The following DOCK10 variants were observed in gnomAD, a reference collection of about 807,000 sequenced individuals.
The protein encoded by DOCK10 is dedicator of cytokinesis protein 10.
DOCK10 carries 145 observed loss-of-function variants against 280.1 expected under a neutral mutation model. The observed-to-expected ratio is 0.52, with a 90% CI of 0.45 to 0.59. DOCK10 has a LOEUF of 0.59. Ranked by LOEUF, DOCK10 falls within the 20% of genes least tolerant of loss-of-function variation. DOCK10 has a pLI of 0.00. For synonymous variants in DOCK10, 915 were observed against 942.2 expected (o/e 0.97, Z 0.53); for missense variants, 2,368 against 2,651.7 (o/e 0.89, Z 2.35).
At chr2:224,908,307 C>T (rs369254868) in intron 3 of DOCK10, among the ~76,000 whole-genome samples, 5 of 151,188 alleles carry the variant, frequency 3.3e-5, no homozygotes, top group African/African-American at 1.2e-4. Context: ...TTGTTTTTTC[C>T]TTTCCAGAAT....
At chr2:224,769,075 C>T in intron 55 of DOCK10, 1 of 382,298 alleles carries the variant, frequency 2.6e-6, no homozygotes. Flanking sequence ...CTTTTTATTT[C>T]ACTCCCAGAT....
chr2:224,774,964 A>C lies in DOCK10; in HGVS notation c.5954T>G (p.Leu1985Arg). The change falls in exon 52 of 56, where the codon CTG (leucine) becomes CGG (arginine). Residue 1985 changes from leucine (L) to arginine (R), a missense_variant. Around this residue, in one of 2 missense-constraint regions of DOCK10, gnomAD observed 1,159 missense variants for 1,400.8 expected, o/e 0.83. Coordinates refer to ENST00000258390, the MANE Select transcript of DOCK10 (RefSeq NM_014689.3). ...CACCCCACCGTGCTTCTTGCCCGAC[A>C]GCGTGAAGGGTGTCTCGAAGACAAA... ...NRFVFETPFTLSGKKHGGVAE... is the reference protein window; with the variant it reads ...NRFVFETPFTRSGKKHGGVAE... 6.2e-7 allele frequency: 1 copy of C among 1,611,826 alleles called. No individual in the cohort carries two copies. The highest frequency in any genetic ancestry group is 1.7e-5 in the Admixed American group (1 of 59,694).
chr2:225,034,471 A>G (rs770907825), intron 1 of DOCK10, among the ~76,000 whole-genome samples: 34 of 152,246 alleles, frequency 2.2e-4, no homozygotes, highest in Non-Finnish European at 1.3e-4. Flanking sequence ...ATGCTTGCCA[A>G]GATTTACAAG....
At chr2:225,041,814 G>T (rs1031617167) in intron 1 of DOCK10, among the ~76,000 whole-genome samples, 1 of 152,116 alleles carries the variant, frequency 6.6e-6, no homozygotes, top group Non-Finnish European at 1.5e-5. Context: ...TCAGCGCACT[G>T]GTCTGTTTAC....
At chr2:224,778,772 T>C (rs145202863) in intron 50 of DOCK10, among the ~76,000 whole-genome samples, 3 of 152,302 alleles carry the variant, frequency 2.0e-5, no homozygotes, top group East Asian at 1.9e-4. Flanking sequence ...TCCCACATAA[T>C]CTTAGATGAA....
chr2:224,830,175 C>A (rs1695133167), intron 27 of DOCK10, among the ~76,000 whole-genome samples: 1 of 152,340 alleles, frequency 6.6e-6, no homozygotes, highest in Non-Finnish European at 1.5e-5. Context: ...TCTTTGCTCT[C>A]AGACTTCCCA....
intron 1 of DOCK10, among the ~76,000 whole-genome samples, chr2:224,961,759 C>T (rs1559875180): frequency 6.6e-6 from 1 of 151,978 alleles, no homozygotes; most frequent in East Asian, 1.9e-4. Context: ...CCTGCCTCGG[C>T]CTCCCAAAGT....
intron 1 of DOCK10, among the ~76,000 whole-genome samples, chr2:224,979,152 T>C (rs1029002310): frequency 2.0e-5 from 3 of 152,218 alleles, no homozygotes; most frequent in African/African-American, 7.2e-5. Context: ...ACTTCCCTGC[T>C]TCAGGACCTC....
In DOCK10 at chr2:224,845,606, G is replaced by A. The variant is rs200423591; in HGVS notation, c.2272C>T (p.His758Tyr). 161 of 1,612,812 alleles carry A rather than the reference G, an allele frequency of 1.0e-4. No individual in the cohort carries two copies. The highest frequency in any genetic ancestry group is 1.3e-4 in the Non-Finnish European group (158 of 1,179,260). ...TGATAAAAAGAAAACAAAATATGGT[G>A]TTTCTCATGGAGTTGTGTTGGTAGC... ...IELPTQLHEK[H>Y]HILFSFYHVT... is the part of the protein sequence containing the mutation. Residue 758 changes from histidine (H) to tyrosine (Y), a missense_variant, in exon 20 of 56, where the codon CAC becomes TAC. Physicochemically the swap from His to Tyr is moderately conservative, Grantham distance 83. Coordinates refer to ENST00000258390, the MANE Select transcript of DOCK10 (RefSeq NM_014689.3).
chr2:224,947,831 G>A (rs1462142087), intron 1 of DOCK10, among the ~76,000 whole-genome samples: 1 of 152,130 alleles, frequency 6.6e-6, no homozygotes, highest in Non-Finnish European at 1.5e-5. Context: ...TGTTCCATGA[G>A]CATGCAATTT....
chr2:224,908,058 G>A (rs374534288), intron 3 of DOCK10, among the ~76,000 whole-genome samples: 4 of 152,074 alleles, frequency 2.6e-5, no homozygotes, highest in African/African-American at 7.2e-5. Flanking sequence ...GTGTGTGTGT[G>A]TGTATGTTTC....
intron 9 of DOCK10, 97 bp downstream of exon 9, chr2:224,874,569 C>G: frequency 1.6e-6 from 2 of 1,271,098 alleles, no homozygotes; most frequent in South Asian, 2.4e-5. Flanking sequence ...GCTTCTTGGT[C>G]TAAATCTTAA....
rs191601376 is a variant in DOCK10, at chr2:224,878,658, A to G, written c.748-2437T>C. ...AAAGTTCAGGAACCAAAGGAGAAAG[A>G]ATTGGCTAAAATGCTAACTATGGTT... On this transcript the variant is annotated intron_variant, in intron 7 of 55. Coordinates refer to ENST00000258390, the MANE Select transcript of DOCK10 (RefSeq NM_014689.3). 1.2e-4 allele frequency among the ~76,000 whole-genome samples: 18 copies of G among 152,364 alleles called. No homozygotes were observed. In the East Asian group the frequency reaches 3.1e-3, roughly 26 times the overall value.
rs371018979 is a variant in DOCK10, at chr2:224,979,764, C to T, written c.124-48096G>A. On this transcript the variant is annotated intron_variant, in intron 1 of 55. Transcript: ENST00000258390. ...TATTGAACGTCTTACCGTTACATCC[C>T]GGCACTTTTCTAAGCACTTAACACT... Among the ~76,000 whole-genome samples, 56 of 152,290 alleles carry T rather than the reference C, an allele frequency of 3.7e-4. 2 individuals carry two copies. The highest frequency in any genetic ancestry group is 6.8e-3 in the Middle Eastern group (2 of 294).
At chr2:224,875,875 C>T (rs755785663) in intron 8 of DOCK10, among the ~76,000 whole-genome samples, 163 bp downstream of exon 8, 1 of 152,174 alleles carries the variant, frequency 6.6e-6, no homozygotes, top group Non-Finnish European at 1.5e-5. Context: ...GTGGCCATTA[C>T]TGTGCAGTAA....
chr2:224,781,787 T>A (rs1388704229), intron 50 of DOCK10, among the ~76,000 whole-genome samples: 1 of 152,222 alleles, frequency 6.6e-6, no homozygotes, highest in Non-Finnish European at 1.5e-5. Flanking sequence ...TATGAAACTT[T>A]AAGGCAATAC....
intron 11 of DOCK10, among the ~76,000 whole-genome samples, chr2:224,870,579 G>A (rs1698206180): frequency 6.6e-6 from 1 of 152,004 alleles, no homozygotes; most frequent in African/African-American, 2.4e-5. Flanking sequence ...CAATCCCATA[G>A]CTACCCATTT....
intron 2 of DOCK10, among the ~76,000 whole-genome samples, chr2:224,924,174 G>A (rs1035258189): frequency 1.3e-5 from 2 of 152,026 alleles, no homozygotes; most frequent in African/African-American, 2.4e-5. Flanking sequence ...CACATAGAAT[G>A]GCTTTTTAAA....
At chr2:224,960,766 G>A (rs893823486) in intron 1 of DOCK10, among the ~76,000 whole-genome samples, 1 of 116,148 alleles carries the variant, frequency 8.6e-6, no homozygotes, top group Non-Finnish European at 1.7e-5. Context: ...TTGAGATGGA[G>A]TTTCGCTCTG....
Sources: gnomAD v4.1 joint callset for allele counts (sites outside exome capture counted in the v4.1 genomes callset) on GRCh38, gnomAD v4.1.1 for gene constraint, gnomAD v4.1.1 regional missense constraint, MANE v1.5 for transcripts, NCBI Gene and HGNC (gene_info 2026-07-23, HGNC 2026-07-21) for gene names.